Variants in UBE3C observed in about 807,000 individuals in gnomAD.
The protein encoded by UBE3C is ubiquitin-protein ligase E3C.
UBE3C carries 42 observed loss-of-function variants against 129.4 expected under a neutral mutation model. That is an observed-to-expected ratio of 0.32 (90% CI 0.25 to 0.42). The LOEUF (loss-of-function observed/expected upper bound fraction) is 0.42, where lower values mean the gene tolerates loss of function less well. Among genes scored for constraint, UBE3C ranks in the 10% least tolerant of loss-of-function variants. The pLI, the probability that UBE3C is intolerant of heterozygous loss-of-function variation, is 1.00. For synonymous variants in UBE3C, 510 were observed against 492.4 expected, an observed-to-expected ratio of 1.04 and a Z score of -0.47; for missense variants, 1,049 against 1,319.1, an observed-to-expected ratio of 0.80 and a Z score of 3.17.
chr7:157,180,188 A>G (rs905715245), intron 6 of UBE3C, among the ~76,000 whole-genome samples: 2 of 152,208 alleles, frequency 1.3e-5, no homozygotes, highest in Middle Eastern at 3.2e-3. Context: ...AGCCTTTTAA[A>G]TTATAGTATT....
At chr7:157,146,853 G>A (rs1336304547) in intron 1 of UBE3C, among the ~76,000 whole-genome samples, 1 of 152,140 alleles carries the variant, frequency 6.6e-6, no homozygotes, top group African/African-American at 2.4e-5. Context: ...ATTTCACCAT[G>A]TTGGCCAGGC....
At chr7:157,225,293 C>T (rs1362266616) in intron 16 of UBE3C, 114 bp from the exon 17 acceptor site, 2 of 1,226,362 alleles carry the variant, frequency 1.6e-6, no homozygotes, top group Admixed American at 2.8e-5. Context: ...TGACTATTAG[C>T]ATTTATTTCA....
chr7:157,188,981 C>T (rs549378978), intron 10 of UBE3C: 23 of 622,406 alleles, frequency 3.7e-5, no homozygotes, highest in Non-Finnish European at 5.9e-5. Context: ...CCTTTGTACC[C>T]TGACATGGAA....
intron 1 of UBE3C, among the ~76,000 whole-genome samples, chr7:157,162,197 T>G (rs913070461): frequency 1.3e-5 from 2 of 151,814 alleles, no homozygotes; most frequent in Admixed American, 6.6e-5. Context: ...AGATATTTAA[T>G]TTTTTTTTCT....
intron 13 of UBE3C, 80 bp downstream of exon 13, chr7:157,208,015 A>G: frequency 2.3e-6 from 2 of 870,764 alleles, no homozygotes; most frequent in Non-Finnish European, 3.1e-6. Flanking sequence ...CAGAGGAATA[A>G]AAATGCAGGT....
At chr7:157,172,638 C>T (rs1221940479) in intron 4 of UBE3C, among the ~76,000 whole-genome samples, 2 of 152,106 alleles carry the variant, frequency 1.3e-5, no homozygotes, top group African/African-American at 2.4e-5. Context: ...CAGTGAAAGC[C>T]GTTGAATCTA....
chr7:157,264,667 A>G (rs1239197903), intron 22 of UBE3C, among the ~76,000 whole-genome samples: 2 of 152,136 alleles, frequency 1.3e-5, no homozygotes, highest in Admixed American at 6.5e-5. Context: ...TGCAGCCTGC[A>G]ACCTCTGCCT....
At chr7:157,166,875 A>G (rs1349354635) in intron 2 of UBE3C, among the ~76,000 whole-genome samples, 1 of 150,596 alleles carries the variant, frequency 6.6e-6, no homozygotes, top group African/African-American at 2.4e-5. Context: ...GCATCCTTAC[A>G]TTGCCATGTG....
Position 157,225,417 on chromosome 7 carries a change from G to C in UBE3C, c.2111G>C (p.Arg704Thr). The stretch of plus-strand genomic sequence containing the variant: ...TTCCTTGTTTGTTAGATCTTTCAGA[G>C]GTTGATTTATGCAGATAAGCAAGAA... ...PFEERVKIFQ[R>T]LIYADKQEVQ... Residue 704 changes from arginine (R) to threonine (T), a missense_variant, in exon 17 of 23, where the codon AGG (arginine) becomes ACG (threonine). Physicochemically the swap from Arg to Thr is moderately conservative, Grantham distance 71 (BLOSUM62 -1). This residue lies in a region of UBE3C where 314 missense variants were observed against 416.9 expected (regional missense o/e 0.75). Transcript: ENST00000348165. 1 of 1,603,472 alleles carries C rather than the reference G, an allele frequency of 6.2e-7. No individual in the cohort carries two copies. The highest frequency in any genetic ancestry group is 8.5e-7 in the Non-Finnish European group (1 of 1,177,488).
intron 1 of UBE3C, among the ~76,000 whole-genome samples, chr7:157,156,125 A>G (rs933145133): frequency 2.6e-4 from 40 of 152,054 alleles, no homozygotes; most frequent in African/African-American, 9.4e-4. Flanking sequence ...CTCAGTGGTG[A>G]ACTTGTTCCT....
intron 18 of UBE3C, among the ~76,000 whole-genome samples, chr7:157,247,446 C>T (rs1584819256): frequency 6.6e-6 from 1 of 152,190 alleles, no homozygotes; most frequent in Admixed American, 6.5e-5. Flanking sequence ...AATCCCAGCA[C>T]TCTGGGAGGC....
chr7:157,242,972 T>C (rs2116666937), intron 18 of UBE3C, among the ~76,000 whole-genome samples: 1 of 152,124 alleles, frequency 6.6e-6, no homozygotes, highest in East Asian at 1.9e-4. Context: ...GGAAAATCGC[T>C]TGAAACCGGA....
intron 18 of UBE3C, among the ~76,000 whole-genome samples, chr7:157,241,190 G>A (rs1451570346): frequency 6.6e-6 from 1 of 152,110 alleles, no homozygotes; most frequent in Non-Finnish European, 1.5e-5. Flanking sequence ...AGGGCATGTG[G>A]GAAAATGGAC....
chr7:157,229,621 T>C (rs1257496668), intron 17 of UBE3C, among the ~76,000 whole-genome samples: 2 of 151,622 alleles, frequency 1.3e-5, no homozygotes, highest in Non-Finnish European at 2.9e-5. Context: ...CCGGCCTGTT[T>C]TTGGGGTTTT....
chr7:157,140,824 A>T (rs751686683), intron 1 of UBE3C, among the ~76,000 whole-genome samples: 7 of 152,218 alleles, frequency 4.6e-5, no homozygotes, highest in Non-Finnish European at 1.0e-4. Flanking sequence ...TCAAGGGAAG[A>T]TAGCACGAGC....
At chr7:157,175,346 C>T (rs187964172) in intron 5 of UBE3C, among the ~76,000 whole-genome samples, 57 of 152,064 alleles carry the variant, frequency 3.7e-4, no homozygotes, top group African/African-American at 1.3e-3. Context: ...AAAGAGGACT[C>T]CTGATGTGTG....
chr7:157,173,497 T>G, intron 4 of UBE3C, among the ~76,000 whole-genome samples: 1 of 152,236 alleles, frequency 6.6e-6, no homozygotes, highest in Non-Finnish European at 1.5e-5. Flanking sequence ...TTGATGGGTT[T>G]TCAAAGTTAT....
At chr7:157,183,788 C>G in intron 8 of UBE3C, 90 bp from the exon 9 acceptor site, 1 of 1,464,266 alleles carries the variant, frequency 6.8e-7, no homozygotes, top group Non-Finnish European at 9.3e-7. Context: ...AGAAATGCCT[C>G]TCTGCGTGTG....
intron 1 of UBE3C, among the ~76,000 whole-genome samples, chr7:157,139,557 T>C (rs1158072492): frequency 2.0e-5 from 3 of 151,788 alleles, no homozygotes; most frequent in Non-Finnish European, 1.5e-5. Context: ...GGGCCAGGAC[T>C]CTGGCTGGGG....
Sources: gnomAD v4.1 joint callset for allele counts (sites outside exome capture counted in the v4.1 genomes callset) on GRCh38, gnomAD v4.1.1 for gene constraint, gnomAD v4.1.1 regional missense constraint, MANE v1.5 for transcripts, NCBI Gene and HGNC (gene_info 2026-07-23, HGNC 2026-07-21) for gene names.